Variants in CCT8 observed in about 807,000 individuals in gnomAD.
CCT8 encodes the protein chaperonin containing TCP1 subunit 8.
Under a neutral mutation model 65.7 loss-of-function variants are expected in CCT8, and 10 were observed. The observed-to-expected ratio is 0.15, with a 90% CI of 0.09 to 0.26. The LOEUF (loss-of-function observed/expected upper bound fraction) is 0.26, where lower values mean the gene tolerates loss of function less well. CCT8 is among the 10% of genes least tolerant of loss of function. The probability of loss-of-function intolerance (pLI) is 1.00; values close to 1 mark genes in which losing one functional copy is unlikely to be tolerated. For synonymous variants in CCT8, 199 were observed against 221.8 expected (o/e 0.90, Z 0.92); for missense variants, 568 against 669.1 (o/e 0.85, Z 1.67).
At chr21:29,072,973 A>C (rs1283220600) in intron 1 of CCT8, among the ~76,000 whole-genome samples, 1 of 152,236 alleles carries the variant, frequency 6.6e-6, no homozygotes, top group Non-Finnish European at 1.5e-5. Flanking sequence ...AGCTAACATA[A>C]GTTGGGACCG....
chr21:29,073,361 C>T, intron 1 of CCT8, 170 bp downstream of exon 1: 1 of 1,433,020 alleles, frequency 7.0e-7, no homozygotes, highest in Non-Finnish European at 9.1e-7. Flanking sequence ...TGCCCGCAGG[C>T]TCCGGTGGCC....
intron 7 of CCT8, among the ~76,000 whole-genome samples, chr21:29,063,758 G>A (rs1034804277): frequency 3.3e-5 from 5 of 152,130 alleles, no homozygotes; most frequent in African/African-American, 1.2e-4. Flanking sequence ...TACTTAGGTG[G>A]AAAAGTACTT....
chr21:29,056,591 C>G, intron 14 of CCT8, 39 bp from the exon 15 acceptor site: 1 of 1,288,792 alleles, frequency 7.8e-7, no homozygotes, highest in Non-Finnish European at 1.0e-6. Context: ...TGCTTATCAA[C>G]TTAACCTTTA....
chr21:29,070,795 G>A (rs1387138414), intron 1 of CCT8, among the ~76,000 whole-genome samples: 1 of 152,128 alleles, frequency 6.6e-6, no homozygotes, highest in Non-Finnish European at 1.5e-5. Flanking sequence ...AAGGGTATGA[G>A]GTACTTCAAG....
Position 29,067,004 on chromosome 21 carries a change from G to C in CCT8, c.449C>G (p.Ser150Cys), listed in dbSNP as rs2085631094. ...HEILPNLVCC[S>C]AKNLRDIDEV... ...ATCAATATCTCGAAGGTTTTTTGCA[G>C]AACAACATACCAAATTAGGAAGAAT... The change falls in exon 5 of 15, where the codon TCT becomes TGT. Residue 150 changes from serine to cysteine, a missense_variant. Coordinates refer to ENST00000286788, the MANE Select transcript of CCT8 (RefSeq NM_006585.4). 5 of 1,613,590 alleles carry C rather than the reference G, an allele frequency of 3.1e-6. No individual in the cohort carries two copies. The highest frequency in any genetic ancestry group is 4.2e-6 in the Non-Finnish European group (5 of 1,179,688).
rs144056321 is a variant in CCT8, at chr21:29,061,994, A to G, written c.1212+134T>C. Reference sequence around the variant, plus strand: ...ACACTTAAGTCTTAGGTAAAAACAAAAACAGGTGCTTCATTTCATATAAAC... The same window carrying G: ...ACACTTAAGTCTTAGGTAAAAACAAGAACAGGTGCTTCATTTCATATAAAC... On this transcript the variant is annotated intron_variant, in intron 11 of 14. Coordinates refer to ENST00000286788, the MANE Select transcript of CCT8 (RefSeq NM_006585.4). 3.7e-5 allele frequency: 24 copies of G among 649,324 alleles called. No homozygotes were observed. In the South Asian group the frequency reaches 4.7e-4, roughly 13 times the overall value. The allele number at this position is 649,324 out of a possible 1,614,324, so 40.2% of individuals were successfully genotyped here. A position where few individuals can be genotyped will look rare whatever the true frequency, so the allele number is the denominator to read the frequency against.
At chr21:29,067,832 C>A in intron 3 of CCT8, 127 bp from the exon 4 acceptor site, 3 of 559,392 alleles carry the variant, frequency 5.4e-6, no homozygotes, top group Non-Finnish European at 5.7e-6. Flanking sequence ...CACACTGCTA[C>A]ACTGCTATAC....
At chr21:29,067,781 A>G in intron 3 of CCT8, 76 bp from the exon 4 acceptor site, 3 of 1,119,980 alleles carry the variant, frequency 2.7e-6, no homozygotes, top group Non-Finnish European at 3.6e-6. Flanking sequence ...CATTTCTTAA[A>G]TAGACTCAAT....
intron 1 of CCT8, 64 bp downstream of exon 1, chr21:29,073,467 T>C (rs2085706954): frequency 6.2e-7 from 1 of 1,611,720 alleles, no homozygotes; most frequent in Non-Finnish European, 8.5e-7. Flanking sequence ...GCCCTCCTAC[T>C]TCGCCGCGGC....
intron 6 of CCT8, among the ~76,000 whole-genome samples, chr21:29,065,621 T>C (rs1031533784): frequency 2.0e-5 from 3 of 152,230 alleles, no homozygotes; most frequent in African/African-American, 4.8e-5. Context: ...ATTCCACTGA[T>C]AGGTTTTACT....
At chr21:29,059,393 TC>T (rs1386501439) in intron 14 of CCT8, 1 of 152,156 alleles carries the variant, frequency 6.6e-6, no homozygotes, top group Non-Finnish European at 1.5e-5. Flanking sequence ...AAAGCAGACT[TC>T]CTAGTTTAAA....
chr21:29,063,222 C>T, intron 8 of CCT8, 130 bp downstream of exon 8: 1 of 670,282 alleles, frequency 1.5e-6, no homozygotes, highest in Non-Finnish European at 2.5e-6. Flanking sequence ...AAACTAAATC[C>T]TTCTGCTATT....
intron 7 of CCT8, among the ~76,000 whole-genome samples, chr21:29,064,127 AACTAGT>A (rs2085593948): frequency 6.6e-6 from 1 of 152,128 alleles, no homozygotes; most frequent in Non-Finnish European, 1.5e-5. Context: ...GACAAAGGCT[AACTAGT>A]GTTCCCAATA....
rs1348442982 is a variant in CCT8 at position 29,065,026 on chromosome 21, T to C, written c.704A>G (p.Lys235Arg). 6.2e-7 allele frequency: 1 copy of C among 1,613,660 alleles called. No homozygotes were observed. Among genetic ancestry groups the C allele is most frequent in the Non-Finnish European group, 8.5e-7 (1 of 1,179,612 alleles). ...KETEGDVTSV[K>R]DAKIAVYSCP... ...AGAGTACACTGCTATTTTTGCATCT[T>C]TGACAGATGTTACATCACCTTCGGT... The change falls in exon 7 of 15, where the codon AAA (lysine) becomes AGA (arginine). Residue 235 changes from lysine to arginine, a missense_variant. By Grantham distance (26) the Lys-to-Arg change is conservative. Transcript: ENST00000286788.
At position 29,060,610 on chromosome 21, in the gene CCT8, A is replaced by C. The variant is rs1198026487; in HGVS notation, c.1500T>G (p.Thr500=). The change falls in exon 14 of 15, where the codon ACT becomes ACG. Residue 500 remains threonine (T), a synonymous_variant. Transcript: ENST00000286788. ...TGATAGCCCAATATTTTCCCAGGTA[A>C]GTATCTAGAATACCAGCTTCCAGCA... ...KDMLEAGILD[T]YLGKYWAIKL... is the part of the protein sequence containing the mutation. The C allele has an allele frequency of 2.5e-6, 4 of 1,613,792 alleles. No individual in the cohort carries two copies. In the African/African-American group the frequency reaches 4.0e-5, roughly 16 times the overall value.
At chr21:29,057,998 G>A (rs982161577) in intron 14 of CCT8, 1 of 151,840 alleles carries the variant, frequency 6.6e-6, no homozygotes, top group Non-Finnish European at 1.5e-5. Flanking sequence ...CAGCCTGGGT[G>A]ATAGAGTAAG....
At chr21:29,059,746 G>A (rs2085542428) in intron 14 of CCT8, 1 of 151,862 alleles carries the variant, frequency 6.6e-6, no homozygotes, top group Non-Finnish European at 1.5e-5. Flanking sequence ...TTCCATTTTT[G>A]GTCATCTCTT....
chr21:29,065,562 T>C (rs1221729339), intron 6 of CCT8, among the ~76,000 whole-genome samples: 2 of 152,264 alleles, frequency 1.3e-5, no homozygotes, highest in Non-Finnish European at 2.9e-5. Context: ...ACTTATGTTA[T>C]GCTAAATTCA....
chr21:29,057,826 A>G (rs1601086073), intron 14 of CCT8, among the ~76,000 whole-genome samples: 1 of 150,392 alleles, frequency 6.6e-6, no homozygotes, highest in Non-Finnish European at 1.5e-5. Context: ...TACATATGAT[A>G]TGTGTGATAT....
Sources: gnomAD v4.1 joint callset for allele counts (sites outside exome capture counted in the v4.1 genomes callset) on GRCh38, gnomAD v4.1.1 for gene constraint, MANE v1.5 for transcripts, NCBI Gene and HGNC (gene_info 2026-07-23, HGNC 2026-07-21) for gene names.